NALF1: variants seen among roughly 807,000 people sequenced by gnomAD.
The protein encoded by NALF1 is NALCN channel auxiliary factor 1.
A neutral mutation model predicts 48.4 loss-of-function variants in NALF1; 3 were observed. That is an observed-to-expected ratio of 0.06 (90% CI 0.03 to 0.16). The LOEUF (loss-of-function observed/expected upper bound fraction) is 0.16, where lower values mean the gene tolerates loss of function less well. Among genes scored for constraint, NALF1 ranks in the 10% least tolerant of loss-of-function variants. NALF1 has a pLI of 1.00. For synonymous variants in NALF1, 262 were observed against 245.7 expected, an observed-to-expected ratio of 1.07 and a Z score of -0.62; for missense variants, 526 against 571.5, an observed-to-expected ratio of 0.92 and a Z score of 0.81.
At chr13:107,465,100 A>C (rs751745344) in intron 1 of NALF1, among the ~76,000 whole-genome samples, 12 of 152,102 alleles carry the variant, frequency 7.9e-5, no homozygotes, top group Non-Finnish European at 1.6e-4. Context: ...ATTACAGCAT[A>C]AAAATCAGCA....
intron 1 of NALF1, among the ~76,000 whole-genome samples, chr13:107,763,670 C>T (rs1160639808): frequency 6.6e-6 from 1 of 152,060 alleles, no homozygotes; most frequent in Non-Finnish European, 1.5e-5. Flanking sequence ...CTGATGACTT[C>T]GGTCATTGAC....
chr13:107,186,592 T>C (rs1879179305), intron 2 of NALF1, among the ~76,000 whole-genome samples: 1 of 152,166 alleles, frequency 6.6e-6, no homozygotes, highest in Admixed American at 6.5e-5. Context: ...GGTCTCGATC[T>C]CCTGACCTTG....
intron 1 of NALF1, among the ~76,000 whole-genome samples, chr13:107,324,503 C>A (rs1882314065): frequency 6.6e-6 from 1 of 152,152 alleles, no homozygotes; most frequent in Non-Finnish European, 1.5e-5. Flanking sequence ...ATCTAGGGCA[C>A]TTGTGCACAT....
chr13:107,353,078 T>G, intron 1 of NALF1, among the ~76,000 whole-genome samples: 1 of 152,124 alleles, frequency 6.6e-6, no homozygotes, highest in Non-Finnish European at 1.5e-5. Context: ...TTCTGCCTCC[T>G]GACTGTTCAC....
At chr13:107,190,488 C>T (rs1879258807) in intron 2 of NALF1, among the ~76,000 whole-genome samples, 1 of 152,044 alleles carries the variant, frequency 6.6e-6, no homozygotes, top group Admixed American at 6.6e-5. Context: ...ACTATTTTCC[C>T]AATTTGATCT....
chr13:107,714,433 G>A (rs537682261), intron 1 of NALF1, among the ~76,000 whole-genome samples: 4 of 152,090 alleles, frequency 2.6e-5, no homozygotes, highest in Non-Finnish European at 4.4e-5. Flanking sequence ...TTGGGAGGAC[G>A]AGGTGGGCAG....
chr13:107,358,681 T>C lies in NALF1; in HGVS notation c.916-147926A>G, dbSNP rs78515045. Among the ~76,000 whole-genome samples, 799 of 152,280 alleles carry C rather than the reference T, an allele frequency of 5.2e-3. 55 individuals carry two copies. The East Asian group carries it at 0.13, about 26-fold the overall frequency. On this transcript the variant is annotated intron_variant, in intron 1 of 2. Coordinates refer to ENST00000375915, the MANE Select transcript of NALF1 (RefSeq NM_001080396.3). ...GCCATCATCAGAAGAGTAAACTCTA[T>C]GGATGACCCCTGAATCACTGAACTC...
chr13:107,784,783 T>C (rs1479445889), intron 1 of NALF1, among the ~76,000 whole-genome samples: 1 of 152,000 alleles, frequency 6.6e-6, no homozygotes, highest in African/African-American at 2.4e-5. Flanking sequence ...AATTAGGGAA[T>C]CCTTCTACAC....
rs1017757637 is a variant in NALF1 at position 107,818,603 on chromosome 13, T to G, written c.915+47079A>C. Among the ~76,000 whole-genome samples, 15 of 147,126 alleles carry G rather than the reference T, an allele frequency of 1.0e-4. No homozygotes were observed. In the South Asian group the frequency reaches 1.7e-3, roughly 16 times the overall value. On this transcript the variant is annotated intron_variant, in intron 1 of 2. Coordinates refer to ENST00000375915, the MANE Select transcript of NALF1 (RefSeq NM_001080396.3). ...AAAATCCAGTTGAGGCCGGGCGCGG[T>G]GGCTCACGCCTGTAATCCCAGCACT...
chr13:107,373,269 C>G (rs566328101), intron 1 of NALF1, among the ~76,000 whole-genome samples: 23 of 152,162 alleles, frequency 1.5e-4, no homozygotes, highest in Non-Finnish European at 3.2e-4. Flanking sequence ...AGATGTGAGA[C>G]TAGCACCAGG....
chr13:107,469,144 AAATC>A (rs1484139614), intron 1 of NALF1, among the ~76,000 whole-genome samples: 1 of 152,140 alleles, frequency 6.6e-6, no homozygotes, highest in East Asian at 1.9e-4. Context: ...CTATATTTAA[AAATC>A]AGTCATAAAA....
rs1041685717 is a variant in NALF1, at chr13:107,311,623, T to C, written c.916-100868A>G. ...CATCACAATAGAGTTTCCCAAAAAC[T>C]ATTCAGTAAAAGCCTAAAAATGGGA... On this transcript the variant is annotated intron_variant, in intron 1 of 2. Transcript: ENST00000375915. 3.6e-4 allele frequency among the ~76,000 whole-genome samples: 54 copies of C among 151,694 alleles called. 1 individual carries two copies. Among genetic ancestry groups the C allele is most frequent in the Non-Finnish European group, 7.4e-5 (5 of 67,908 alleles).
chr13:107,416,012 T>TC lies in NALF1; in HGVS notation c.916-205258dup, dbSNP rs397823979. Among the ~76,000 whole-genome samples the TC allele has an allele frequency of 3.3e-5, 5 of 149,614 alleles. No individual in the cohort carries two copies. The Admixed American group carries it at 3.4e-4, about 10-fold the overall frequency. The stretch of plus-strand genomic sequence containing the variant: ...GACCACTTATATGCAGATTTTTTTT[T>TC]CTTTTTTTTTTTGAGATGGTGTCTC... On this transcript the variant is annotated intron_variant, in intron 1 of 2. Transcript: ENST00000375915.
intron 1 of NALF1, among the ~76,000 whole-genome samples, chr13:107,624,538 G>A (rs1879613157): frequency 1.3e-5 from 2 of 152,172 alleles, no homozygotes; most frequent in Middle Eastern, 3.4e-3. Flanking sequence ...ATTTTTAAAG[G>A]ACAGCATAAA....
intron 1 of NALF1, among the ~76,000 whole-genome samples, chr13:107,513,144 T>G (rs1017954558): frequency 4.6e-5 from 7 of 152,094 alleles, no homozygotes; most frequent in African/African-American, 1.7e-4. Context: ...AAGACAACAT[T>G]TTTTTAGGGG....
At chr13:107,649,296 C>T (rs1181432437) in intron 1 of NALF1, among the ~76,000 whole-genome samples, 1 of 152,174 alleles carries the variant, frequency 6.6e-6, no homozygotes, top group African/African-American at 2.4e-5. Flanking sequence ...CAGATTTTTA[C>T]ATCTTGAGTC....
At chr13:107,213,518 C>T (rs1437219330) in intron 1 of NALF1, among the ~76,000 whole-genome samples, 1 of 152,070 alleles carries the variant, frequency 6.6e-6, no homozygotes, top group Non-Finnish European at 1.5e-5. Flanking sequence ...TAAGATACAT[C>T]AGAAAACAAG....
chr13:107,453,352 C>T lies in NALF1; in HGVS notation c.916-242597G>A, dbSNP rs571921423. 2.0e-5 allele frequency among the ~76,000 whole-genome samples: 3 copies of T among 152,314 alleles called. No individual in the cohort carries two copies. In the South Asian group the frequency reaches 6.2e-4, roughly 32 times the overall value. ...GAAATCTAGGCAGAGGTTCCCAAACCTCAATTATTGTCTTCTGCACACCCA... is the reference window on the plus strand; with the variant it reads ...GAAATCTAGGCAGAGGTTCCCAAACTTCAATTATTGTCTTCTGCACACCCA... On this transcript the variant is annotated intron_variant, in intron 1 of 2. Transcript: ENST00000375915.
intron 1 of NALF1, among the ~76,000 whole-genome samples, chr13:107,624,972 T>G (rs1350906475): frequency 5.3e-5 from 8 of 152,316 alleles, no homozygotes; most frequent in Non-Finnish European, 1.5e-5. Context: ...TCTATTCTTA[T>G]GCACAGTTTT....
Sources: gnomAD v4.1 joint callset for allele counts (sites outside exome capture counted in the v4.1 genomes callset) on GRCh38, gnomAD v4.1.1 for gene constraint, MANE v1.5 for transcripts, NCBI Gene and HGNC (gene_info 2026-07-23, HGNC 2026-07-21) for gene names.